Variants in SLIT3 observed in about 807,000 individuals in gnomAD.
The protein encoded by SLIT3 is slit guidance ligand 3.
A neutral mutation model predicts 184.0 loss-of-function variants in SLIT3; 68 were observed. The observed-to-expected ratio is 0.37, with a 90% CI of 0.30 to 0.45. SLIT3 has a LOEUF of 0.45. Ranked by LOEUF, SLIT3 falls within the 20% of genes least tolerant of loss-of-function variation. The pLI is 1.00. For missense variants in SLIT3, 1,707 were observed against 2,026.0 expected (o/e 0.84, Z 3.02); for synonymous variants, 831 against 828.6 (o/e 1.00, Z -0.05).
chr5:168,668,139 A>C (rs1002259495), intron 35 of SLIT3, among the ~76,000 whole-genome samples: 3 of 152,228 alleles, frequency 2.0e-5, no homozygotes, highest in Non-Finnish European at 4.4e-5. Flanking sequence ...CAGGAGAAAG[A>C]TCCCCCAAGG....
chr5:168,970,502 A>T (rs1388706135), intron 4 of SLIT3, among the ~76,000 whole-genome samples: 1 of 150,988 alleles, frequency 6.6e-6, no homozygotes, highest in East Asian at 1.9e-4. Context: ...TCTCAAATAA[A>T]AAAAAAAAAA....
In SLIT3 at chr5:168,685,696, G is replaced by A. The variant is rs201327318; in HGVS notation, c.3546C>T (p.Ile1182=). 2.6e-6 allele frequency: 4 copies of A among 1,558,732 alleles called. No individual in the cohort carries two copies. In the African/African-American group the frequency reaches 5.4e-5, roughly 21 times the overall value. Residue 1182 remains isoleucine, a synonymous_variant, in exon 31 of 36, where the codon ATC becomes ATT. Transcript: ENST00000519560. ...GCAGGGCGGGACACACCTGCAGGGAGATGTTGGCCTGGGGTCGGACCTTGG... is the reference window on the plus strand; with the variant it reads ...GCAGGGCGGGACACACCTGCAGGGAAATGTTGGCCTGGGGTCGGACCTTGG... ...ASAKVRPQAN[I]SLQVATDKDN... is the part of the protein sequence containing the mutation.
intron 4 of SLIT3, among the ~76,000 whole-genome samples, chr5:169,163,788 A>G (rs1421554710): frequency 6.6e-6 from 1 of 152,180 alleles, no homozygotes; most frequent in East Asian, 1.9e-4. Flanking sequence ...TCTACTGGAC[A>G]ACGGAAGGAA....
At chr5:168,910,563 G>A (rs985397319) in intron 4 of SLIT3, among the ~76,000 whole-genome samples, 3 of 151,958 alleles carry the variant, frequency 2.0e-5, no homozygotes, top group African/African-American at 7.3e-5. Flanking sequence ...CGAACACGGT[G>A]AAACCCTGTC....
At chr5:168,772,053 G>A (rs1260932795) in intron 14 of SLIT3, 2 of 152,172 alleles carry the variant, frequency 1.3e-5, no homozygotes, top group East Asian at 3.9e-4. Context: ...GTAGCTGTCG[G>A]GTCAAGGAGA....
intron 10 of SLIT3, 200 bp from the exon 11 acceptor site, chr5:168,789,831 T>G (rs1756295443): frequency 1.8e-6 from 1 of 544,416 alleles, no homozygotes; most frequent in African/African-American, 1.9e-5. Flanking sequence ...GCACCACATT[T>G]ACATCACTCT....
At chr5:168,924,666 C>A (rs562691240) in intron 4 of SLIT3, among the ~76,000 whole-genome samples, 26 of 152,250 alleles carry the variant, frequency 1.7e-4, no homozygotes, top group Non-Finnish European at 3.7e-4. Flanking sequence ...CATGCCACCA[C>A]ACCCTACTAA....
At chr5:168,757,892 G>C (rs1755006386) in intron 16 of SLIT3, among the ~76,000 whole-genome samples, 1 of 152,122 alleles carries the variant, frequency 6.6e-6, no homozygotes, top group South Asian at 2.1e-4. Flanking sequence ...AAGGAAGGTG[G>C]ATTTATTTCT....
chr5:169,028,243 G>T (rs973499352), intron 4 of SLIT3, among the ~76,000 whole-genome samples: 4 of 132,918 alleles, frequency 3.0e-5, no homozygotes, highest in East Asian at 2.2e-4. Flanking sequence ...ATTAGTGATG[G>T]GAAAAAAAAA....
chr5:168,885,334 G>A (rs570805776), intron 4 of SLIT3, among the ~76,000 whole-genome samples: 1 of 152,264 alleles, frequency 6.6e-6, no homozygotes, highest in South Asian at 2.1e-4. Context: ...AATGAGCGCT[G>A]TCTCAGGCTC....
intron 4 of SLIT3, among the ~76,000 whole-genome samples, chr5:169,066,956 A>T (rs2113112554): frequency 6.6e-6 from 1 of 151,540 alleles, no homozygotes; most frequent in East Asian, 1.9e-4. Context: ...AAAAAAAAAA[A>T]AAAAAAGACA....
chr5:168,830,288 G>A (rs1029089624), intron 6 of SLIT3, among the ~76,000 whole-genome samples: 4 of 152,058 alleles, frequency 2.6e-5, no homozygotes, highest in Admixed American at 1.3e-4. Context: ...TCCTAAGTAC[G>A]CTATCATTTT....
intron 8 of SLIT3, among the ~76,000 whole-genome samples, chr5:168,807,833 G>A (rs543398159): frequency 2.3e-4 from 35 of 152,276 alleles, no homozygotes; most frequent in African/African-American, 7.5e-4. Flanking sequence ...TGAGCCAGAC[G>A]ACCAGCAGAG....
chr5:169,282,258 C>A (rs147902028), intron 1 of SLIT3, among the ~76,000 whole-genome samples: 2,293 of 152,266 alleles, frequency 0.015, 36 homozygotes, highest in Non-Finnish European at 0.023. Flanking sequence ...GCAACTGTCA[C>A]CTCAATATAT....
chr5:168,938,189 G>A (rs1762220483), intron 4 of SLIT3, among the ~76,000 whole-genome samples: 1 of 152,164 alleles, frequency 6.6e-6, no homozygotes, highest in Non-Finnish European at 1.5e-5. Context: ...GCCCATGATG[G>A]CAGAATATGA....
In SLIT3 at chr5:169,244,793, A is replaced by G. The variant is rs1215395181; in HGVS notation, c.270-17T>C. The stretch of plus-strand genomic sequence containing the variant: ...TCCAGATGCCTACAACCACAGAGAC[A>G]GCAATGACTAAGGACAAAGCTGGGC... On this transcript the variant is annotated splice_polypyrimidine_tract_variant and intron_variant, in intron 2 of 35. Transcript: ENST00000519560. 9 of 1,612,066 alleles carry G rather than the reference A, an allele frequency of 5.6e-6. No homozygotes were observed. The highest frequency in any genetic ancestry group is 7.6e-6 in the Non-Finnish European group (9 of 1,179,060).
At chr5:168,721,205 T>C (rs1762931676) in intron 23 of SLIT3, among the ~76,000 whole-genome samples, 2 of 151,972 alleles carry the variant, frequency 1.3e-5, no homozygotes. Context: ...CATTCAAGGG[T>C]GATATTCAAA....
chr5:169,089,298 T>G (rs1450035305), intron 4 of SLIT3, among the ~76,000 whole-genome samples: 1 of 152,070 alleles, frequency 6.6e-6, no homozygotes, highest in Admixed American at 6.5e-5. Flanking sequence ...GCTGGAAACT[T>G]CTAGAAACCT....
intron 20 of SLIT3, among the ~76,000 whole-genome samples, chr5:168,734,143 T>C (rs1370289109): frequency 6.6e-6 from 1 of 152,196 alleles, no homozygotes; most frequent in Non-Finnish European, 1.5e-5. Flanking sequence ...AATATATGCA[T>C]GTAAGAAACC....
Sources: gnomAD v4.1 joint callset for allele counts (sites outside exome capture counted in the v4.1 genomes callset) on GRCh38, gnomAD v4.1.1 for gene constraint, MANE v1.5 for transcripts, NCBI Gene and HGNC (gene_info 2026-07-23, HGNC 2026-07-21) for gene names.